BMPER: variants seen among roughly 807,000 people sequenced by gnomAD.
The protein encoded by BMPER is BMP binding endothelial regulator.
BMPER carries 45 observed loss-of-function variants against 87.3 expected under a neutral mutation model. That is an observed-to-expected ratio of 0.52 (90% confidence interval 0.41 to 0.66). The LOEUF (loss-of-function observed/expected upper bound fraction) is 0.66. BMPER is among the 30% of genes least tolerant of loss of function. The pLI is 0.00. For synonymous variants in BMPER, 326 were observed against 316.2 expected (o/e 1.03, Z -0.33); for missense variants, 784 against 867.5 (o/e 0.90, Z 1.21).
chr7:33,986,107 T>C (rs1253696366), intron 6 of BMPER, among the ~76,000 whole-genome samples: 1 of 152,226 alleles, frequency 6.6e-6, no homozygotes. Context: ...TGCGACCTTC[T>C]GTACCTGCTC....
At chr7:33,913,129 A>G (rs969264229) in intron 2 of BMPER, among the ~76,000 whole-genome samples, 6 of 152,150 alleles carry the variant, frequency 3.9e-5, no homozygotes, top group African/African-American at 1.4e-4. Context: ...GCTGCCAGTG[A>G]ATTCTGACTA....
chr7:34,147,010 T>C (rs1485906742), intron 14 of BMPER, among the ~76,000 whole-genome samples: 1 of 152,238 alleles, frequency 6.6e-6, no homozygotes, highest in Non-Finnish European at 1.5e-5. Flanking sequence ...GTCTGCCACC[T>C]GCCTATAACT....
intron 9 of BMPER, among the ~76,000 whole-genome samples, chr7:34,055,537 C>G (rs2127962152): frequency 6.6e-6 from 1 of 152,270 alleles, no homozygotes; most frequent in African/African-American, 2.4e-5. Context: ...TTTTTCTTGA[C>G]TATATTTTTG....
At chr7:33,988,059 A>G (rs1786061320) in intron 6 of BMPER, among the ~76,000 whole-genome samples, 1 of 152,202 alleles carries the variant, frequency 6.6e-6, no homozygotes, top group Admixed American at 6.5e-5. Flanking sequence ...TAATTTCAAA[A>G]CGAATATGAA....
intron 14 of BMPER, among the ~76,000 whole-genome samples, chr7:34,152,111 G>A (rs1004461680): frequency 4.6e-5 from 7 of 152,110 alleles, no homozygotes; most frequent in East Asian, 1.9e-4. Context: ...ACAATTACAC[G>A]ATTCCTTACC....
intron 6 of BMPER, among the ~76,000 whole-genome samples, chr7:34,024,353 G>A: frequency 2.2e-5 from 1 of 45,054 alleles, no homozygotes; most frequent in African/African-American, 1.3e-4. Flanking sequence ...GCGAAACTCT[G>A]TCTCAAAAAA....
At chr7:33,944,355 T>A (rs896530590) in intron 3 of BMPER, among the ~76,000 whole-genome samples, 4 of 151,942 alleles carry the variant, frequency 2.6e-5, no homozygotes, top group Middle Eastern at 3.2e-3. Context: ...TTAGTAGAGA[T>A]GAGGTTTCGC....
At position 33,966,552 on chromosome 7, in the gene BMPER, C is replaced by G; in HGVS notation, c.393C>G (p.Arg131=). The change falls in exon 4 of 15, where the codon CGC becomes CGG. Residue 131 remains arginine (R), a synonymous_variant. Transcript: ENST00000649409. ...GCCCGGCTGAGCCTTGTGTTCTACG[C>G]CAGTGCCAGGTAAAGTTCAATTATT... The part of the protein sequence containing the change: ...WQSPAEPCVL[R]QCQEGVVTES... The G allele has an allele frequency of 6.2e-7, 1 of 1,613,590 alleles. No individual in the cohort carries two copies. Among genetic ancestry groups the G allele is most frequent in the Non-Finnish European group, 8.5e-7 (1 of 1,179,584 alleles).
chr7:33,915,458 A>C (rs1784069910), intron 2 of BMPER, among the ~76,000 whole-genome samples: 1 of 152,228 alleles, frequency 6.6e-6, no homozygotes, highest in African/African-American at 2.4e-5. Flanking sequence ...AAATGTTTAA[A>C]GCCCATTTTG....
chr7:34,080,204 C>T (rs753163328), intron 12 of BMPER, among the ~76,000 whole-genome samples: 13 of 152,246 alleles, frequency 8.5e-5, no homozygotes, highest in Non-Finnish European at 1.6e-4. Context: ...GTTGGATTCC[C>T]GTTTCTTTAG....
chr7:33,936,795 A>T (rs991607037), intron 2 of BMPER, among the ~76,000 whole-genome samples: 1 of 152,202 alleles, frequency 6.6e-6, no homozygotes, highest in Non-Finnish European at 1.5e-5. Flanking sequence ...AGCCGATCCA[A>T]TATTCAACTT....
At chr7:34,040,656 G>C (rs1237892785) in intron 6 of BMPER, among the ~76,000 whole-genome samples, 1 of 152,118 alleles carries the variant, frequency 6.6e-6, no homozygotes, top group African/African-American at 2.4e-5. Flanking sequence ...AGATTCAAAA[G>C]CATGTTCTTT....
intron 13 of BMPER, among the ~76,000 whole-genome samples, chr7:34,114,430 A>C (rs1790059349): frequency 6.6e-6 from 1 of 152,178 alleles, no homozygotes; most frequent in Non-Finnish European, 1.5e-5. Context: ...TTATTGATTG[A>C]CCATTAATAA....
In BMPER at chr7:33,963,654, C is replaced by T. The variant is rs867400753; in HGVS notation, c.320-2825C>T. Among the ~76,000 whole-genome samples the T allele has an allele frequency of 1.3e-4, 20 of 151,980 alleles. 1 individual carries two copies. Among genetic ancestry groups the T allele is most frequent in the Non-Finnish European group, 2.5e-4 (17 of 67,994 alleles). On this transcript the variant is annotated intron_variant, in intron 3 of 14. Coordinates refer to ENST00000649409, the MANE Select transcript of BMPER (RefSeq NM_001365308.1). ...ACTAAAAATACAAAAATTAGCCGGG[C>T]GTGGTGGCAGGTGCCTGTAATCCCA...
At chr7:34,148,006 A>T (rs1791073958) in intron 14 of BMPER, among the ~76,000 whole-genome samples, 1 of 152,052 alleles carries the variant, frequency 6.6e-6, no homozygotes, top group South Asian at 2.1e-4. Flanking sequence ...AACCCTTCCA[A>T]GGCTTCCGTT....
intron 6 of BMPER, among the ~76,000 whole-genome samples, chr7:34,032,960 C>G (rs965740804): frequency 1.2e-4 from 18 of 152,134 alleles, no homozygotes; most frequent in African/African-American, 4.3e-4. Flanking sequence ...CAGGCCAAAC[C>G]AGGTCAAAGG....
chr7:33,994,011 T>G, intron 6 of BMPER, among the ~76,000 whole-genome samples: 1 of 152,244 alleles, frequency 6.6e-6, no homozygotes, highest in East Asian at 1.9e-4. Context: ...GGAGAACCAC[T>G]GCTCTCTTCC....
chr7:34,021,019 C>A (rs1787172130), intron 6 of BMPER, among the ~76,000 whole-genome samples: 1 of 151,986 alleles, frequency 6.6e-6, no homozygotes, highest in African/African-American at 2.4e-5. Flanking sequence ...TAAATACTCA[C>A]AACTGATGTA....
intron 8 of BMPER, among the ~76,000 whole-genome samples, chr7:34,052,356 T>C (rs189294301): frequency 6.6e-6 from 1 of 152,356 alleles, no homozygotes; most frequent in East Asian, 1.9e-4. Context: ...GGCATGGATT[T>C]ACAGTTCATC....
Sources: allele counts gnomAD v4.1 joint callset (sites outside exome capture counted in the v4.1 genomes callset), GRCh38; gene constraint gnomAD v4.1.1; transcripts MANE v1.5; gene names NCBI Gene and HGNC (gene_info 2026-07-23, HGNC 2026-07-21).